FSHR: variants seen among roughly 807,000 people sequenced by gnomAD.
The protein encoded by FSHR is follicle-stimulating hormone receptor.
Under a neutral mutation model 52.1 loss-of-function variants are expected in FSHR, and 46 were observed. The observed-to-expected ratio is 0.88, with a 90% CI of 0.70 to 1.13. FSHR has a LOEUF of 1.13. Among genes scored for constraint, FSHR ranks in the 50% most tolerant of loss-of-function variants. The pLI is 0.00. For missense variants in FSHR, 964 were observed against 834.6 expected, an observed-to-expected ratio of 1.16 and a Z score of -1.91; for synonymous variants, 399 against 309.6, an observed-to-expected ratio of 1.29 and a Z score of -3.03.
At chr2:49,001,865 A>G (rs907292714) in intron 4 of FSHR, among the ~76,000 whole-genome samples, 2 of 152,048 alleles carry the variant, frequency 1.3e-5, no homozygotes, top group Non-Finnish European at 2.9e-5. Context: ...TAATTATATC[A>G]ACTATGTAAT....
In FSHR at chr2:48,977,093, AAATAT is replaced by A. The variant is rs925191903; in HGVS notation, c.668+5814_668+5818del. Among the ~76,000 whole-genome samples, 78 of 151,160 alleles carry A rather than the reference AAATAT, an allele frequency of 5.2e-4. 1 individual carries two copies. Among genetic ancestry groups the A allele is most frequent in the African/African-American group, 1.7e-3 (71 of 40,684 alleles). On this transcript the variant is annotated intron_variant, in intron 8 of 9. Coordinates refer to ENST00000406846, the MANE Select transcript of FSHR (RefSeq NM_000145.4). Reference sequence around the variant, plus strand: ...TTCTGCACATGTATCCCAGAACTTAAAATATAATAATAATAATAAAATCCCCTCTC... The same window carrying A: ...TTCTGCACATGTATCCCAGAACTTAAAATAATAATAATAAAATCCCCTCTC...
rs151170710 is a variant in FSHR at position 48,970,022 on chromosome 2, C to A, written c.669-1139G>T. 3.8e-3 allele frequency among the ~76,000 whole-genome samples: 577 copies of A among 152,232 alleles called. 3 individuals carry two copies. Among genetic ancestry groups the A allele is most frequent in the African/African-American group, 0.013 (554 of 41,528 alleles). On this transcript the variant is annotated intron_variant, in intron 8 of 9. Coordinates refer to ENST00000406846, the MANE Select transcript of FSHR (RefSeq NM_000145.4). The stretch of plus-strand genomic sequence containing the variant: ...GCATCCTTGGGGACCCTTGGATATA[C>A]TTGAGTAAGAAGAGTCTTTTAATGT...
chr2:49,005,644 C>A (rs1250558749), intron 4 of FSHR, among the ~76,000 whole-genome samples: 1 of 152,078 alleles, frequency 6.6e-6, no homozygotes, highest in Non-Finnish European at 1.5e-5. Context: ...AAAAACAAAT[C>A]ACTGCAACCA....
intron 2 of FSHR, among the ~76,000 whole-genome samples, chr2:49,029,721 T>C (rs1348400124): frequency 1.3e-5 from 2 of 152,210 alleles, no homozygotes; most frequent in African/African-American, 4.8e-5. Context: ...ATTATTTCAC[T>C]GGAGTCAGGA....
chr2:49,053,320 C>T (rs1019842022), intron 2 of FSHR, among the ~76,000 whole-genome samples: 1 of 152,120 alleles, frequency 6.6e-6, no homozygotes, highest in Non-Finnish European at 1.5e-5. Context: ...CTAGCTTTCC[C>T]CCCACCTCCA....
chr2:48,967,257 G>T (rs1674518963), intron 9 of FSHR, among the ~76,000 whole-genome samples: 1 of 152,004 alleles, frequency 6.6e-6, no homozygotes, highest in Non-Finnish European at 1.5e-5. Flanking sequence ...CACCACACAT[G>T]GCTAATTTTG....
intron 4 of FSHR, among the ~76,000 whole-genome samples, chr2:49,015,882 G>C (rs895286706): frequency 6.6e-6 from 1 of 152,122 alleles, no homozygotes; most frequent in African/African-American, 2.4e-5. Context: ...TGAGTGCGGG[G>C]GCCCTCCTGA....
At chr2:48,985,024 C>A (rs1434521834) in intron 6 of FSHR, among the ~76,000 whole-genome samples, 7 of 152,244 alleles carry the variant, frequency 4.6e-5, no homozygotes, top group Admixed American at 1.3e-4. Flanking sequence ...GTGGGAATCT[C>A]AAGCTAGTAA....
chr2:49,013,489 T>TATATATATAAATATATATATATAA (rs1558389445), intron 4 of FSHR, among the ~76,000 whole-genome samples: 3 of 73,024 alleles, frequency 4.1e-5, no homozygotes, highest in African/African-American at 1.1e-4. Flanking sequence ...TAAATAAATA[T>TATATATATAAATATATATATATAA]ATATATATAT....
chr2:49,139,637 G>T (rs6744262), intron 1 of FSHR, among the ~76,000 whole-genome samples: 7,432 of 145,582 alleles, frequency 0.051, 623 homozygotes, highest in African/African-American at 0.18. Flanking sequence ...TCACTCTGTC[G>T]CCCAGGCTGG....
intron 1 of FSHR, among the ~76,000 whole-genome samples, chr2:49,094,874 A>G (rs904931472): frequency 6.6e-6 from 1 of 152,114 alleles, no homozygotes; most frequent in Non-Finnish European, 1.5e-5. Flanking sequence ...AAAAATCATT[A>G]TTATTGGACA....
intron 2 of FSHR, among the ~76,000 whole-genome samples, chr2:49,040,628 C>A (rs923002475): frequency 6.6e-6 from 1 of 151,928 alleles, no homozygotes; most frequent in Admixed American, 6.6e-5. Context: ...ACAGTGCAGG[C>A]AAGGGAATGG....
chr2:49,079,664 G>A (rs1670094678), intron 1 of FSHR, among the ~76,000 whole-genome samples: 1 of 152,002 alleles, frequency 6.6e-6, no homozygotes, highest in South Asian at 2.1e-4. Context: ...AATCAATAAA[G>A]GATGCTAAGA....
intron 1 of FSHR, among the ~76,000 whole-genome samples, chr2:49,096,837 T>G (rs1670837461): frequency 6.6e-6 from 1 of 152,118 alleles, no homozygotes; most frequent in Non-Finnish European, 1.5e-5. Context: ...TGATAGTGAG[T>G]AAGTTCTCAT....
At position 49,044,618 on chromosome 2, in the gene FSHR, G is replaced by A. The variant is rs182163029; in HGVS notation, c.224+23601C>T. Among the ~76,000 whole-genome samples the A allele has an allele frequency of 1.9e-3, 282 of 152,228 alleles. 1 individual carries two copies. The highest frequency in any genetic ancestry group is 3.4e-3 in the Non-Finnish European group (231 of 68,026). On this transcript the variant is annotated intron_variant, in intron 2 of 9. Coordinates refer to ENST00000406846, the MANE Select transcript of FSHR (RefSeq NM_000145.4). ...GAAATGCTACTGGGCCTTGGCTGGA[G>A]GGGAAAGGAGCAAAGAAAGTCTGTT...
chr2:49,014,765 G>A (rs1056265890), intron 4 of FSHR: 1 of 297,596 alleles, frequency 3.4e-6, no homozygotes, highest in Admixed American at 5.0e-5. Flanking sequence ...GTGAAGAGCT[G>A]GTTTTCTTCT....
At chr2:49,047,237 T>C (rs1003066841) in intron 2 of FSHR, among the ~76,000 whole-genome samples, 2 of 152,186 alleles carry the variant, frequency 1.3e-5, no homozygotes, top group African/African-American at 4.8e-5. Context: ...TGTCTTAACT[T>C]GGTTGGACTG....
At chr2:48,988,100 C>CT (rs1675600850) in intron 6 of FSHR, among the ~76,000 whole-genome samples, 1 of 152,146 alleles carries the variant, frequency 6.6e-6, no homozygotes, top group Admixed American at 6.5e-5. Flanking sequence ...GTGTTATAAT[C>CT]TGTCTACTAT....
In FSHR at chr2:49,055,493, G is replaced by A. The variant is rs145325874; in HGVS notation, c.224+12726C>T. Reference sequence around the variant, plus strand: ...AAAATAATAGCTGAAAATTTCCCAAGTATTGGGAGAGAGATGAACATCCAG... The same window carrying A: ...AAAATAATAGCTGAAAATTTCCCAAATATTGGGAGAGAGATGAACATCCAG... On this transcript the variant is annotated intron_variant, in intron 2 of 9. Transcript: ENST00000406846. 7.4e-3 allele frequency among the ~76,000 whole-genome samples: 832 copies of A among 113,054 alleles called. 8 individuals carry two copies. Among genetic ancestry groups the A allele is most frequent in the African/African-American group, 0.026 (779 of 29,496 alleles). The allele number at this position is 113,054 out of a possible 152,430, so 74.2% of individuals were successfully genotyped here.
Sources: allele counts gnomAD v4.1 joint callset (sites outside exome capture counted in the v4.1 genomes callset), GRCh38; gene constraint gnomAD v4.1.1; transcripts MANE v1.5; gene names NCBI Gene and HGNC (gene_info 2026-07-23, HGNC 2026-07-21).